The following USP50 variants were observed in gnomAD, a reference collection of about 807,000 sequenced individuals.
USP50 encodes the protein ubiquitin carboxyl-terminal hydrolase 50.
A neutral mutation model predicts 39.2 loss-of-function variants in USP50; 37 were observed. The ratio of observed to expected loss-of-function variants is 0.94; its 90% CI spans 0.73 to 1.24. The LOEUF (loss-of-function observed/expected upper bound fraction) is 1.24. Among genes scored for constraint, USP50 ranks in the 50% most tolerant of loss-of-function variants. The pLI, the probability that USP50 is intolerant of heterozygous loss-of-function variation, is 0.00. For missense variants in USP50, 374 were observed against 398.2 expected, an observed-to-expected ratio of 0.94 and a Z score of 0.52; for synonymous variants, 139 against 144.5, an observed-to-expected ratio of 0.96 and a Z score of 0.27.
chr15:50,505,538 C>T (rs2052646883), intron 6 of USP50: 1 of 152,068 alleles, frequency 6.6e-6, no homozygotes, highest in East Asian at 1.9e-4. Context: ...TTTAAAAACT[C>T]AATGAAGGAA....
At chr15:50,541,011 A>G (rs2053024288) in intron 4 of USP50, 38 bp downstream of exon 4, 2 of 1,512,758 alleles carry the variant, frequency 1.3e-6, no homozygotes, top group Middle Eastern at 1.7e-4. Flanking sequence ...GGCTGAGAGT[A>G]TAGCGAGACA....
At chr15:50,521,867 G>C (rs1281946783) in intron 6 of USP50, among the ~76,000 whole-genome samples, 1 of 152,186 alleles carries the variant, frequency 6.6e-6, no homozygotes, top group Non-Finnish European at 1.5e-5. Flanking sequence ...GGGAGGCTAA[G>C]GCAGGAGAAT....
chr15:50,546,506 AGAGACGGCT>A lies in USP50; in HGVS notation c.11_19del (p.Gln4_Ser6del), dbSNP rs757841683. The A allele has an allele frequency of 1.9e-6, 3 of 1,613,736 alleles. No individual in the cohort carries two copies. The highest frequency in any genetic ancestry group is 4.5e-5 in the East Asian group (2 of 44,880). The stretch of plus-strand genomic sequence containing the variant: ...GTAGATATCGAAGTCATCTGCAGGG[AGAGACGGCT>A]GAGAAGTCATTTTAATGGAACCACG... On this transcript the variant is annotated inframe_deletion, in exon 1 of 7. Transcript: ENST00000532404.
At chr15:50,543,320 C>T (rs2053044664) in intron 3 of USP50, among the ~76,000 whole-genome samples, 1 of 152,120 alleles carries the variant, frequency 6.6e-6, no homozygotes, top group South Asian at 2.1e-4. Context: ...CTGGAAATGC[C>T]AAGTAAGCTT....
At chr15:50,513,491 T>TGAGTTC in intron 6 of USP50, 1 of 132,934 alleles carries the variant, frequency 7.5e-6, no homozygotes, top group African/African-American at 2.9e-5. Context: ...CCTGAGGTCA[T>TGAGTTC]GAGTTCGAGA....
chr15:50,496,950 C>G, downstream of USP50: 1 of 1,107,240 alleles, frequency 9.0e-7, no homozygotes, highest in Non-Finnish European at 1.3e-6. Flanking sequence ...AGATCACAAG[C>G]TTTGGGAAGG....
rs575515579 is a variant in USP50 at position 50,500,825 on chromosome 15, C to A, written c.949G>T (p.Asp317Tyr). Residue 317 changes from aspartate to tyrosine, a missense_variant, in exon 7 of 7, where the codon GAT (aspartate) becomes TAT (tyrosine). Transcript: ENST00000532404. ...GCAGTGTAGTGGCCACCATCCAAAT[C>A]ACCAAAATGGTTCTATGGGAGAAAG... ...NLCAVVNHFG[D>Y]LDGGHYTAFC... The A allele has an allele frequency of 4.4e-6, 7 of 1,582,746 alleles. No homozygotes were observed. Among genetic ancestry groups the A allele is most frequent in the Non-Finnish European group, 6.0e-6 (7 of 1,163,674 alleles).
chr15:50,499,234 C>T (rs929812136), downstream of USP50: 13 of 668,454 alleles, frequency 1.9e-5, no homozygotes, highest in East Asian at 6.0e-5. Flanking sequence ...TATATAATTC[C>T]GGTCAGTGCT....
At chr15:50,545,690 T>C (rs1412828563) in intron 1 of USP50, among the ~76,000 whole-genome samples, 2 of 151,932 alleles carry the variant, frequency 1.3e-5, no homozygotes, top group Non-Finnish European at 2.9e-5. Context: ...GCTATATACA[T>C]ATAAACACAC....
At chr15:50,525,554 G>GTGTATATA (rs1176467111) in intron 6 of USP50, among the ~76,000 whole-genome samples, 8 of 76,996 alleles carry the variant, frequency 1.0e-4, no homozygotes, top group Admixed American at 4.0e-4. Context: ...ATGTATATAT[G>GTGTATATA]TGTATATATG....
chr15:50,524,271 G>C (rs1381168343), intron 6 of USP50, among the ~76,000 whole-genome samples: 2 of 152,146 alleles, frequency 1.3e-5, no homozygotes, highest in Non-Finnish European at 2.9e-5. Flanking sequence ...AATAGACAAA[G>C]GGAATTGCAT....
At chr15:50,512,769 G>C (rs1313581043) in intron 6 of USP50, 2 of 151,850 alleles carry the variant, frequency 1.3e-5, no homozygotes, top group Non-Finnish European at 2.9e-5. Flanking sequence ...TCCAGCCTGG[G>C]CGACAGAGCC....
At chr15:50,536,320 C>T (rs933054462) in intron 5 of USP50, among the ~76,000 whole-genome samples, 4 of 152,122 alleles carry the variant, frequency 2.6e-5, no homozygotes, top group African/African-American at 9.7e-5. Context: ...GTATATTACA[C>T]ATCAGCTTTG....
At position 50,540,582 on chromosome 15, in the gene USP50, T is replaced by TA. The variant is rs917413041; in HGVS notation, c.660+466dup. Among the ~76,000 whole-genome samples, 8 of 151,312 alleles carry TA rather than the reference T, an allele frequency of 5.3e-5. No individual in the cohort carries two copies. The East Asian group carries it at 5.8e-4, about 11-fold the overall frequency. On this transcript the variant is annotated intron_variant, in intron 4 of 6. Coordinates refer to ENST00000532404, the MANE Select transcript of USP50 (RefSeq NM_203494.5). ...GGAACTTTTGGCCAGTATGTCCCTA[T>TA]AAAAAAAAATACTGTCATCATGGAC...
intron 2 of USP50, chr15:50,544,046 T>G (rs3109878): frequency 0.45 from 210,965 of 464,996 alleles, 48,746 homozygotes; most frequent in Admixed American, 0.55. Flanking sequence ...AAAAAAAGGA[T>G]GCCAGGCTCA....
chr15:50,546,409 T>C, intron 1 of USP50, 64 bp downstream of exon 1: 1 of 1,568,356 alleles, frequency 6.4e-7, no homozygotes, highest in East Asian at 2.2e-5. Flanking sequence ...GTCCCCTGAC[T>C]CCTCTGAGCT....
At chr15:50,532,331 G>C in intron 5 of USP50, 1 of 410,402 alleles carries the variant, frequency 2.4e-6, no homozygotes, top group Middle Eastern at 3.6e-4. Flanking sequence ...TAACCTGCTG[G>C]GGTCTTATCA....
At chr15:50,493,156 C>T (rs1340218052), downstream of USP50, 1 of 584,822 alleles carries the variant, frequency 1.7e-6, no homozygotes, top group South Asian at 1.5e-5. Flanking sequence ...AGAGGACAGA[C>T]TCGTCCTGTC....
intron 6 of USP50, among the ~76,000 whole-genome samples, chr15:50,525,464 T>TTGTG (rs1555395164): frequency 1.1e-3 from 107 of 95,228 alleles, no homozygotes; most frequent in African/African-American, 4.0e-3. Context: ...ATTCCACATT[T>TTGTG]TGTGTGTGTG....
Sources: allele counts gnomAD v4.1 joint callset (sites outside exome capture counted in the v4.1 genomes callset), GRCh38; gene constraint gnomAD v4.1.1; transcripts MANE v1.5; gene names NCBI Gene and HGNC (gene_info 2026-07-23, HGNC 2026-07-21).